Variants in CASK observed in about 807,000 individuals in gnomAD.
The protein encoded by CASK is calcium/calmodulin dependent serine protein kinase.
Under a neutral mutation model 82.9 loss-of-function variants are expected in CASK, and 4 were observed. The ratio of observed to expected loss-of-function variants is 0.05; its 90% CI spans 0.02 to 0.11. CASK has a LOEUF of 0.11. Among genes scored for constraint, CASK ranks in the 10% least tolerant of loss-of-function variants. The pLI is 1.00. For missense variants in CASK, 358 were observed against 720.9 expected (o/e 0.50, Z 5.76); for synonymous variants, 259 against 253.5 (o/e 1.02, Z -0.20).
At chrX:41,814,579 C>T (rs183757049) in intron 2 of CASK, among the ~76,000 whole-genome samples, 212 of 73,309 alleles carry the variant, frequency 2.9e-3, no homozygotes, top group Non-Finnish European at 4.5e-3. Flanking sequence ...CATCACACAC[C>T]GGGGCCTGTC....
At chrX:41,597,762 A>C (rs2065840191) in intron 12 of CASK, among the ~76,000 whole-genome samples, 1 of 112,059 alleles carries the variant, frequency 8.9e-6, no homozygotes, top group Non-Finnish European at 1.9e-5. Flanking sequence ...CAATTACTGT[A>C]CTGGAACTGA....
At chrX:41,636,182 C>T (rs919609914) in intron 9 of CASK, among the ~76,000 whole-genome samples, 3 of 110,910 alleles carry the variant, frequency 2.7e-5, no homozygotes, top group Admixed American at 9.6e-5. Flanking sequence ...CAGGCATAAG[C>T]CACCACACCC....
At chrX:41,838,053 A>G (rs945341638) in intron 2 of CASK, among the ~76,000 whole-genome samples, 1 of 111,504 alleles carries the variant, frequency 9.0e-6, no homozygotes, top group Non-Finnish European at 1.9e-5. Context: ...GGGTCTCCCT[A>G]TGTTGCACAG....
chrX:41,612,232 C>T (rs76170272), intron 11 of CASK, among the ~76,000 whole-genome samples: 2 of 109,209 alleles, frequency 1.8e-5, no homozygotes, highest in Admixed American at 9.6e-5. Flanking sequence ...TCTGCCCCGC[C>T]GCCATCCCAT....
At chrX:41,667,639 A>G (rs1417243073) in intron 6 of CASK, among the ~76,000 whole-genome samples, 1 of 111,250 alleles carries the variant, frequency 9.0e-6, no homozygotes, top group African/African-American at 3.3e-5. Flanking sequence ...TCCCCAGGCT[A>G]GTCTCAAACT....
intron 9 of CASK, 26 bp from the exon 10 acceptor site, chrX:41,626,729 A>T (rs898400503): frequency 1.2e-5 from 11 of 929,145 alleles, no homozygotes; most frequent in Non-Finnish European, 1.4e-5. Context: ...GAAAAAATAG[A>T]TTATTAAAAC....
chrX:41,900,990 C>A (rs2072369294), intron 1 of CASK, among the ~76,000 whole-genome samples: 1 of 111,045 alleles, frequency 9.0e-6, no homozygotes, highest in African/African-American at 3.3e-5. Flanking sequence ...AAGTGATCCA[C>A]CCACCTTGGC....
chrX:41,539,977 T>C (rs1602232623), intron 22 of CASK, among the ~76,000 whole-genome samples: 1 of 112,256 alleles, frequency 8.9e-6, no homozygotes, highest in East Asian at 2.8e-4. Context: ...CTAACAATGA[T>C]ATCCTGACTA....
intron 5 of CASK, among the ~76,000 whole-genome samples, chrX:41,682,530 A>G (rs1212847662): frequency 1.2e-3 from 26 of 22,567 alleles, no homozygotes; most frequent in African/African-American, 1.9e-3. Flanking sequence ...CTGTCTCAGG[A>G]AAAAAAAAAA....
intron 1 of CASK, among the ~76,000 whole-genome samples, chrX:41,861,272 G>A (rs943614265): frequency 4.5e-5 from 5 of 111,231 alleles, no homozygotes; most frequent in Non-Finnish European, 7.5e-5. Context: ...GTGTGCATGC[G>A]TGTGTGAGAA....
intron 11 of CASK, among the ~76,000 whole-genome samples, chrX:41,612,172 G>T (rs763664195): frequency 1.8e-5 from 2 of 109,089 alleles, no homozygotes; most frequent in African/African-American, 6.7e-5. Context: ...CGTCTGGGAC[G>T]TGAGGAGCCC....
chrX:41,750,103 G>C (rs1250111257), intron 3 of CASK, among the ~76,000 whole-genome samples: 1 of 110,763 alleles, frequency 9.0e-6, no homozygotes, highest in African/African-American at 3.3e-5. Flanking sequence ...AGGCATCACT[G>C]TGAAAATATT....
Position 41,702,157 on chromosome X carries a change from G to T in CASK, c.430-30627C>A, listed in dbSNP as rs780400940. 2.7e-5 allele frequency among the ~76,000 whole-genome samples: 3 copies of T among 111,135 alleles called. No homozygotes were observed. The East Asian group carries it at 8.6e-4, about 32-fold the overall frequency. ...TCCCAGCACTTTGGGAGGCCAAGGT[G>T]GGTGGATCACCTGAGGTCAGGAGTT... On this transcript the variant is annotated intron_variant, in intron 5 of 26. Coordinates refer to ENST00000378163, the MANE Select transcript of CASK (RefSeq NM_001367721.1).
At chrX:41,883,636 G>A (rs762225036) in intron 1 of CASK, among the ~76,000 whole-genome samples, 9 of 111,330 alleles carry the variant, frequency 8.1e-5, no homozygotes, top group African/African-American at 2.3e-4. Flanking sequence ...ATTTTTTGAC[G>A]AAACGATATT....
At chrX:41,770,489 G>A (rs962410066) in intron 3 of CASK, among the ~76,000 whole-genome samples, 39 of 110,554 alleles carry the variant, frequency 3.5e-4, no homozygotes, top group African/African-American at 1.2e-3. Flanking sequence ...GGGTTCAAGC[G>A]ATTCTCCTGC....
At chrX:41,743,455 C>T (rs757124783) in intron 4 of CASK, 5 of 273,628 alleles carry the variant, frequency 1.8e-5, no homozygotes, top group African/African-American at 1.4e-4. Context: ...GAATATTTAG[C>T]TTTAGTTCTA....
intron 1 of CASK, among the ~76,000 whole-genome samples, chrX:41,909,717 G>A (rs1373902637): frequency 9.1e-6 from 1 of 109,851 alleles, no homozygotes; most frequent in Non-Finnish European, 1.9e-5. Context: ...CTATTCTCCC[G>A]CCTCAGCCTC....
intron 21 of CASK, among the ~76,000 whole-genome samples, chrX:41,551,002 T>G (rs1028024161): frequency 8.9e-6 from 1 of 112,249 alleles, no homozygotes; most frequent in Non-Finnish European, 1.9e-5. Context: ...GTTTCTACTA[T>G]CTGTCATTTC....
intron 4 of CASK, among the ~76,000 whole-genome samples, chrX:41,744,627 A>G (rs1029660972): frequency 9.0e-6 from 1 of 111,443 alleles, no homozygotes; most frequent in Non-Finnish European, 1.9e-5. Context: ...TACAGGCATG[A>G]GCCACCGCGC....
Sources: allele counts gnomAD v4.1 joint callset (sites outside exome capture counted in the v4.1 genomes callset), GRCh38; gene constraint gnomAD v4.1.1; transcripts MANE v1.5; gene names NCBI Gene and HGNC (gene_info 2026-07-23, HGNC 2026-07-21).